The following HAUS6 variants were observed in gnomAD, a reference collection of about 807,000 sequenced individuals.
HAUS6 encodes HAUS augmin like complex subunit 6.
In HAUS6, 80 loss-of-function variants were observed where a neutral mutation model predicts 106.8. That is an observed-to-expected ratio of 0.75 (90% CI 0.63 to 0.90). The LOEUF (loss-of-function observed/expected upper bound fraction) is 0.90, where lower values mean the gene tolerates loss of function less well. HAUS6 is among the 40% of genes least tolerant of loss of function. HAUS6 has a pLI of 0.00. For missense variants in HAUS6, 1,155 were observed against 1,118.1 expected (o/e 1.03, Z -0.47); for synonymous variants, 356 against 379.1 (o/e 0.94, Z 0.71).
Position 19,063,141 on chromosome 9 carries a change from A to G in HAUS6, c.1496T>C (p.Ile499Thr). The change falls in exon 14 of 17, where the codon ATA becomes ACA. Residue 499 changes from isoleucine to threonine, a missense_variant. Around this residue, in one of 3 missense-constraint regions of HAUS6, gnomAD observed 761 missense variants for 690.0 expected, o/e 1.10. Coordinates refer to ENST00000380502, the MANE Select transcript of HAUS6 (RefSeq NM_017645.5). ...KEKNEAISKK[I>T]PEFEVENSPL... ...AGAATTTTCCACTTCAAATTCTGGT[A>G]TTTTCTTAGAAATTGCTTCATTTTT... The G allele has an allele frequency of 6.2e-7, 1 of 1,605,532 alleles. No homozygotes were observed. The highest frequency in any genetic ancestry group is 8.5e-7 in the Non-Finnish European group (1 of 1,174,016).
intron 12 of HAUS6, among the ~76,000 whole-genome samples, chr9:19,068,745 C>T (rs774748966): frequency 2.1e-4 from 32 of 150,954 alleles, no homozygotes; most frequent in Non-Finnish European, 4.0e-4. Flanking sequence ...AGGAAAGTTT[C>T]GTGTTTGATT....
intron 11 of HAUS6, among the ~76,000 whole-genome samples, chr9:19,072,305 T>G (rs186592872): frequency 1.1e-3 from 171 of 152,056 alleles, no homozygotes; most frequent in African/African-American, 3.3e-3. Flanking sequence ...TTGAGGTCAG[T>G]AGTTCAAGAC....
rs371188147 is a variant in HAUS6 at position 19,063,555 on chromosome 9, C to G, written c.1402G>C (p.Val468Leu). 6.2e-7 allele frequency: 1 copy of G among 1,607,292 alleles called. No individual in the cohort carries two copies. The highest frequency in any genetic ancestry group is 1.7e-5 in the Admixed American group (1 of 60,000). The change falls in exon 13 of 17, where the codon GTT becomes CTT. Residue 468 changes from valine to leucine, a missense_variant. Around this residue, in one of 3 missense-constraint regions of HAUS6, gnomAD observed 761 missense variants for 690.0 expected, o/e 1.10. Transcript: ENST00000380502. ...NSPASFLSQS[V>L]SSSDRNSVTV... ...ACACTGTTTCTATCTGATGATGAAA[C>G]TGACTGCGACAAGAAAGAGGCAGGG... is the stretch of plus-strand genomic sequence containing the variant.
At position 19,089,554 on chromosome 9, in the gene HAUS6, A is replaced by T. The variant is rs1276403925; in HGVS notation, c.442T>A (p.Ser148Thr). 6.2e-7 allele frequency: 1 copy of T among 1,608,418 alleles called. No individual in the cohort carries two copies. The highest frequency in any genetic ancestry group is 1.3e-5 in the African/African-American group (1 of 74,728). ...TTAAATGTCTCTACAAAATGATGAG[A>T]AGAATCTACACAGAACACAAATAAG... ...KYIKSNSKNS[S>T]HHFVETFNIK... is the part of the protein sequence containing the mutation. The change falls in exon 5 of 17, where the codon TCT becomes ACT. Residue 148 changes from serine to threonine, a missense_variant. Transcript: ENST00000380502.
At chr9:19,100,363 C>T (rs909763536) in intron 1 of HAUS6, among the ~76,000 whole-genome samples, 5 of 152,072 alleles carry the variant, frequency 3.3e-5, no homozygotes, top group African/African-American at 1.2e-4. Flanking sequence ...CAGACTATCT[C>T]AAAAAATAAA....
chr9:19,062,915 C>T (rs1032967613), intron 14 of HAUS6, 93 bp downstream of exon 14: 5 of 958,656 alleles, frequency 5.2e-6, no homozygotes, highest in East Asian at 5.1e-5. Context: ...TTCCTCTTGC[C>T]GAAACCTCCC....
At chr9:19,066,455 G>C (rs972146883) in intron 12 of HAUS6, among the ~76,000 whole-genome samples, 4 of 152,132 alleles carry the variant, frequency 2.6e-5, no homozygotes. Context: ...ATGACATTTA[G>C]CTGGCACGTA....
At chr9:19,077,470 G>C (rs1009129863) in intron 10 of HAUS6, among the ~76,000 whole-genome samples, 6 of 152,304 alleles carry the variant, frequency 3.9e-5, no homozygotes, top group South Asian at 2.1e-4. Context: ...CGAAGGCAGA[G>C]GCTGCAGTGA....
At chr9:19,080,091 T>A (rs1370539531) in intron 9 of HAUS6, among the ~76,000 whole-genome samples, 1 of 145,952 alleles carries the variant, frequency 6.9e-6, no homozygotes, top group Admixed American at 7.0e-5. Context: ...GGAGAATCAC[T>A]TGAACTCAGG....
At chr9:19,067,219 A>C (rs1836779174) in intron 12 of HAUS6, among the ~76,000 whole-genome samples, 1 of 152,206 alleles carries the variant, frequency 6.6e-6, no homozygotes, top group African/African-American at 2.4e-5. Flanking sequence ...TATTGCAGAT[A>C]AAATAGTGTA....
chr9:19,058,772 C>T lies in HAUS6; in HGVS notation c.1995G>A (p.Val665=). Residue 665 remains valine, a synonymous_variant, in exon 16 of 17, where the codon GTG becomes GTA. Transcript: ENST00000380502. ...GACTGGTCAGCACATGTTTCTGAGGCACACACTCGCAATCTGAAATAACTT... is the reference window on the plus strand; with the variant it reads ...GACTGGTCAGCACATGTTTCTGAGGTACACACTCGCAATCTGAAATAACTT... ...EEKVISDCEC[V]PQKHVLTSHI... 1 of 1,614,182 alleles carries T rather than the reference C, an allele frequency of 6.2e-7. No homozygotes were observed. Among genetic ancestry groups the T allele is most frequent in the Non-Finnish European group, 8.5e-7 (1 of 1,180,030 alleles).
At chr9:19,080,300 A>C (rs1299629201) in intron 9 of HAUS6, among the ~76,000 whole-genome samples, 179 bp downstream of exon 9, 7 of 152,044 alleles carry the variant, frequency 4.6e-5, no homozygotes, top group Non-Finnish European at 8.8e-5. Flanking sequence ...TTATTCCATT[A>C]ATTTTCCTTT....
chr9:19,070,168 TA>T, intron 12 of HAUS6, 50 bp downstream of exon 12: 2 of 1,030,978 alleles, frequency 1.9e-6, no homozygotes, highest in African/African-American at 1.6e-5. Context: ...CTATTTTTTA[TA>T]AAATAAGAGT....
intron 4 of HAUS6, among the ~76,000 whole-genome samples, chr9:19,091,757 G>T (rs1236976761): frequency 6.6e-6 from 1 of 152,114 alleles, no homozygotes; most frequent in African/African-American, 2.4e-5. Flanking sequence ...TGCCTCCCAG[G>T]TTCAAGCGAT....
chr9:19,077,618 GATATT>G (rs1400382793), intron 10 of HAUS6, among the ~76,000 whole-genome samples: 2 of 152,030 alleles, frequency 1.3e-5, no homozygotes, highest in Non-Finnish European at 2.9e-5. Flanking sequence ...GCAACTTATG[GATATT>G]ATATTATATA....
intron 8 of HAUS6, among the ~76,000 whole-genome samples, chr9:19,081,843 T>G (rs950508724): frequency 6.6e-6 from 1 of 151,802 alleles, no homozygotes; most frequent in African/African-American, 2.4e-5. Context: ...GGCAAGAGGA[T>G]CATTTGAGGT....
intron 4 of HAUS6, among the ~76,000 whole-genome samples, chr9:19,092,257 G>C (rs1007254709): frequency 1.3e-5 from 2 of 150,906 alleles, no homozygotes; most frequent in Non-Finnish European, 3.0e-5. Context: ...AGGGGTTCAA[G>C]ACCAGCCTGG....
chr9:19,089,378 G>A (rs1475792302), intron 5 of HAUS6, 34 bp downstream of exon 5: 10 of 1,420,364 alleles, frequency 7.0e-6, no homozygotes, highest in South Asian at 4.6e-5. Context: ...TCAAAAGAAA[G>A]AAATTATTTT....
intron 5 of HAUS6, among the ~76,000 whole-genome samples, chr9:19,087,846 C>CAA (rs71333081): frequency 0.03 from 2,338 of 77,748 alleles, 80 homozygotes; most frequent in African/African-American, 0.034. Context: ...GACCTTGTCT[C>CAA]AAAAAAAAAA....
Sources: gnomAD v4.1 joint callset for allele counts (sites outside exome capture counted in the v4.1 genomes callset) on GRCh38, gnomAD v4.1.1 for gene constraint, gnomAD v4.1.1 regional missense constraint, MANE v1.5 for transcripts, NCBI Gene and HGNC (gene_info 2026-07-23, HGNC 2026-07-21) for gene names.